The following LMO7 variants were observed in gnomAD, a reference collection of about 807,000 sequenced individuals.
The protein encoded by LMO7 is LIM domain only protein 7.
Under a neutral mutation model 206.5 loss-of-function variants are expected in LMO7, and 120 were observed. The observed-to-expected ratio is 0.58, with a 90% CI of 0.50 to 0.68. The LOEUF is 0.68. Ranked by LOEUF, LMO7 falls within the 30% of genes least tolerant of loss-of-function variation. The pLI, the probability that LMO7 is intolerant of heterozygous loss-of-function variation, is 0.00. For synonymous variants in LMO7, 706 were observed against 681.5 expected (o/e 1.04, Z -0.56); for missense variants, 1,959 against 1,957.9 (o/e 1.00, Z -0.01).
chr13:75,705,515 T>C (rs2042589268), intron 1 of LMO7, among the ~76,000 whole-genome samples: 1 of 152,198 alleles, frequency 6.6e-6, no homozygotes, highest in African/African-American at 2.4e-5. Flanking sequence ...GTGTGGCTGT[T>C]TGACTACATA....
chr13:75,835,400 A>G lies in LMO7; in HGVS notation c.3333+61A>G, dbSNP rs918648668. 3.9e-6 allele frequency: 4 copies of G among 1,018,050 alleles called. No homozygotes were observed. The African/African-American group carries it at 6.6e-5, about 17-fold the overall frequency. 63.1% of individuals were successfully genotyped at this position (1,018,050 alleles called of 1,614,324 possible). ...AGTAAAGCAGCTGTTAGAATTGTGTATGGAAGAAAATAATTTCTTTTGTTT... is the reference window on the plus strand; with the variant it reads ...AGTAAAGCAGCTGTTAGAATTGTGTGTGGAAGAAAATAATTTCTTTTGTTT... On this transcript the variant is annotated intron_variant, in intron 18 of 30. Transcript: ENST00000377534.
chr13:75,730,239 C>T (rs2045004573), intron 3 of LMO7, among the ~76,000 whole-genome samples: 1 of 152,152 alleles, frequency 6.6e-6, no homozygotes, highest in South Asian at 2.1e-4. Flanking sequence ...TAGTATTTGG[C>T]TGTGAATCCA....
In LMO7 at chr13:75,794,402, C is replaced by A. The variant is rs560670608; in HGVS notation, c.318-999C>A. 3.9e-5 allele frequency among the ~76,000 whole-genome samples: 6 copies of A among 152,096 alleles called. No homozygotes were observed. The South Asian group carries it at 1.2e-3, about 32-fold the overall frequency. ...TTCTGGAAAGGAATGGTCTTAGTTGCCTTGTTGATTCTTTGAAAGCTAAGT... is the reference window on the plus strand; with the variant it reads ...TTCTGGAAAGGAATGGTCTTAGTTGACTTGTTGATTCTTTGAAAGCTAAGT... On this transcript the variant is annotated intron_variant, in intron 4 of 30. Transcript: ENST00000377534.
chr13:75,713,249 G>C lies in LMO7; in HGVS notation c.137G>C (p.Cys46Ser). The C allele has an allele frequency of 6.2e-7, 1 of 1,604,616 alleles. No individual in the cohort carries two copies. Among genetic ancestry groups the C allele is most frequent in the South Asian group, 1.1e-5 (1 of 90,334 alleles). The change falls in exon 2 of 31, where the codon TGT becomes TCT. Residue 46 changes from cysteine to serine, a missense_variant. Cys to Ser is a moderately radical substitution (Grantham distance 112). Coordinates refer to ENST00000377534, the MANE Select transcript of LMO7 (RefSeq NM_001306080.2). ...TCTCTAGAAAATGGTGTTCTGCTGT[G>C]TGAGTAAGTATTTAAAGTATTTAAA... ...RASLENGVLLCDLINKLKPGV... is the reference protein window; with the variant it reads ...RASLENGVLLSDLINKLKPGV...
At chr13:75,843,728 C>T (rs2059738615) in intron 25 of LMO7, among the ~76,000 whole-genome samples, 2 of 152,182 alleles carry the variant, frequency 1.3e-5, no homozygotes, top group African/African-American at 2.4e-5. Flanking sequence ...AAATGCTTTG[C>T]AGTTTTGAAA....
intron 1 of LMO7, among the ~76,000 whole-genome samples, chr13:75,639,701 G>A (rs1313083601): frequency 6.6e-6 from 1 of 152,224 alleles, no homozygotes; most frequent in African/African-American, 2.4e-5. Context: ...AAATACTAAT[G>A]AGATTGAAAC....
chr13:75,774,323 T>C (rs559513522), intron 4 of LMO7, among the ~76,000 whole-genome samples: 1 of 152,286 alleles, frequency 6.6e-6, no homozygotes, highest in Admixed American at 6.5e-5. Flanking sequence ...CTGTTGTGTT[T>C]TATCCCTTTC....
chr13:75,640,864 C>G (rs769758366), intron 1 of LMO7, among the ~76,000 whole-genome samples: 1 of 152,216 alleles, frequency 6.6e-6, no homozygotes, highest in Non-Finnish European at 1.5e-5. Context: ...ATCTGCATGC[C>G]AGTGTGTACT....
At chr13:75,850,120 A>T (rs752451534) in intron 27 of LMO7, among the ~76,000 whole-genome samples, 1 of 152,204 alleles carries the variant, frequency 6.6e-6, no homozygotes, top group Non-Finnish European at 1.5e-5. Context: ...ACTCTGTATA[A>T]AAAAAGAAAA....
chr13:75,787,989 G>C (rs2052698483), intron 4 of LMO7, among the ~76,000 whole-genome samples: 1 of 152,178 alleles, frequency 6.6e-6, no homozygotes, highest in African/African-American at 2.4e-5. Context: ...ATAGTGCGAT[G>C]GATGAGCTTC....
chr13:75,658,732 C>T (rs2038286122), intron 1 of LMO7, among the ~76,000 whole-genome samples: 3 of 151,680 alleles, frequency 2.0e-5, no homozygotes, highest in African/African-American at 7.2e-5. Context: ...TACAGGCGCC[C>T]ACCACCACGC....
chr13:75,734,068 A>G (rs1188159233), intron 3 of LMO7, among the ~76,000 whole-genome samples: 1 of 152,234 alleles, frequency 6.6e-6, no homozygotes, highest in Non-Finnish European at 1.5e-5. Flanking sequence ...TACTTTATGT[A>G]ATAGGTTTCC....
At chr13:75,751,222 G>A (rs999351313) in intron 3 of LMO7, among the ~76,000 whole-genome samples, 3 of 131,982 alleles carry the variant, frequency 2.3e-5, no homozygotes, top group South Asian at 2.5e-4. Flanking sequence ...GTTCAGCGGC[G>A]TGATCTCGGC....
At chr13:75,834,938 G>T (rs1387403454) in intron 17 of LMO7, among the ~76,000 whole-genome samples, 1 of 152,136 alleles carries the variant, frequency 6.6e-6, no homozygotes, top group Admixed American at 6.5e-5. Context: ...CAGCAAATTT[G>T]CTAGTTTTTT....
At chr13:75,637,067 C>T (rs1337176663) in intron 1 of LMO7, among the ~76,000 whole-genome samples, 2 of 152,174 alleles carry the variant, frequency 1.3e-5, no homozygotes, top group African/African-American at 4.8e-5. Flanking sequence ...GGGCACAGCC[C>T]AGAGCGCGCG....
At chr13:75,713,422 A>T (rs2043280689) in intron 2 of LMO7, among the ~76,000 whole-genome samples, 170 bp downstream of exon 2, 1 of 152,182 alleles carries the variant, frequency 6.6e-6, no homozygotes, top group Admixed American at 6.5e-5. Flanking sequence ...AGACAGTAGG[A>T]AGAAGGGGTT....
intron 1 of LMO7, among the ~76,000 whole-genome samples, chr13:75,657,650 A>T (rs1481856338): frequency 2.0e-5 from 3 of 152,168 alleles, no homozygotes; most frequent in African/African-American, 7.2e-5. Flanking sequence ...ATGGTTTTTA[A>T]ATTTGCATTT....
chr13:75,710,846 G>A (rs1204677858), intron 1 of LMO7, among the ~76,000 whole-genome samples: 4 of 151,922 alleles, frequency 2.6e-5, no homozygotes, highest in South Asian at 4.1e-4. Context: ...TTGAATAGGA[G>A]TGGTGAGAGA....
chr13:75,848,751 C>A (rs911834286), intron 26 of LMO7, among the ~76,000 whole-genome samples: 13 of 152,166 alleles, frequency 8.5e-5, no homozygotes, highest in African/African-American at 2.7e-4. Context: ...ATAATGACAT[C>A]TTTTCCTCCT....
Sources: gnomAD v4.1 joint callset for allele counts (sites outside exome capture counted in the v4.1 genomes callset) on GRCh38, gnomAD v4.1.1 for gene constraint, MANE v1.5 for transcripts, NCBI Gene and HGNC (gene_info 2026-07-23, HGNC 2026-07-21) for gene names.